ALPK1: variants seen among roughly 807,000 people sequenced by gnomAD.
The protein encoded by ALPK1 is alpha kinase 1.
In ALPK1, 110 loss-of-function variants were observed where a neutral mutation model predicts 120.6. The observed-to-expected ratio is 0.91, with a 90% CI of 0.78 to 1.07. The LOEUF (loss-of-function observed/expected upper bound fraction) is 1.07, where lower values mean the gene tolerates loss of function less well. Among genes scored for constraint, ALPK1 ranks in the 50% least tolerant of loss-of-function variants. The pLI is 0.00. For synonymous variants in ALPK1, 582 were observed against 560.3 expected (o/e 1.04, Z -0.55); for missense variants, 1,498 against 1,483.9 (o/e 1.01, Z -0.16).
intron 4 of ALPK1, among the ~76,000 whole-genome samples, chr4:112,400,430 C>G (rs1011926449): frequency 6.6e-6 from 1 of 152,150 alleles, no homozygotes; most frequent in Non-Finnish European, 1.5e-5. Context: ...TCAAGGTTAA[C>G]AGCTGAGACT....
intron 1 of ALPK1, among the ~76,000 whole-genome samples, chr4:112,311,713 C>T (rs1728408108): frequency 1.3e-5 from 2 of 152,220 alleles, no homozygotes; most frequent in Admixed American, 1.3e-4. Context: ...CGGCTATCAA[C>T]TGCGCCATGC....
intron 4 of ALPK1, among the ~76,000 whole-genome samples, chr4:112,394,412 A>G (rs1732561365): frequency 1.3e-5 from 2 of 152,262 alleles, no homozygotes; most frequent in African/African-American, 4.8e-5. Flanking sequence ...TCTTGTTTTG[A>G]AAAGAAGCCA....
Position 112,431,311 on chromosome 4 carries a change from G to T in ALPK1, c.1764G>T (p.Gly588=). Residue 588 remains glycine (G), a synonymous_variant, in exon 11 of 16, where the codon GGG becomes GGT. Transcript: ENST00000650871. ...QTSSAWSNLS[G]FSSSASWEEV... ...CCAGTGCTTGGAGCAACTTATCAGGGTTTAGTTCCTCTGCAAGCTGGGAGG... is the reference window on the plus strand; with the variant it reads ...CCAGTGCTTGGAGCAACTTATCAGGTTTTAGTTCCTCTGCAAGCTGGGAGG... 6.2e-7 allele frequency: 1 copy of T among 1,614,194 alleles called. No homozygotes were observed.
At chr4:112,426,414 G>A (rs768167762) in intron 7 of ALPK1, 53 bp from the exon 8 acceptor site, 1 of 1,384,232 alleles carries the variant, frequency 7.2e-7, no homozygotes, top group Admixed American at 1.8e-5. Flanking sequence ...CAAGAGCACA[G>A]ATACTAGCTG....
At chr4:112,419,662 T>C (rs1733902829) in intron 5 of ALPK1, among the ~76,000 whole-genome samples, 2 of 152,202 alleles carry the variant, frequency 1.3e-5, no homozygotes, top group Admixed American at 6.5e-5. Context: ...TTCCATCCTC[T>C]GATGAGAATG....
intron 2 of ALPK1, among the ~76,000 whole-genome samples, chr4:112,348,956 G>A (rs1379247266): frequency 6.6e-6 from 1 of 152,228 alleles, no homozygotes; most frequent in Non-Finnish European, 1.5e-5. Context: ...TTTCCTGTCA[G>A]CCACTTCAGG....
At chr4:112,298,340 T>A (rs1727633811) in intron 1 of ALPK1, among the ~76,000 whole-genome samples, 1 of 152,072 alleles carries the variant, frequency 6.6e-6, no homozygotes, top group Non-Finnish European at 1.5e-5. Flanking sequence ...AATATCCATT[T>A]AATTTGGGGT....
intron 4 of ALPK1, among the ~76,000 whole-genome samples, chr4:112,387,813 T>C (rs1456241001): frequency 1.3e-5 from 2 of 152,230 alleles, no homozygotes; most frequent in East Asian, 1.9e-4. Context: ...GGGCTACACA[T>C]GCAGGTTTGT....
intron 4 of ALPK1, among the ~76,000 whole-genome samples, chr4:112,409,816 T>G (rs1352026612): frequency 2.6e-5 from 4 of 152,068 alleles, no homozygotes; most frequent in Non-Finnish European, 5.9e-5. Context: ...TTCCGTCACA[T>G]GGAAGGAAAC....
Position 112,432,278 on chromosome 4 carries a change from G to C in ALPK1, c.2731G>C (p.Gly911Arg), listed in dbSNP as rs768737680. The change falls in exon 11 of 16, where the codon GGA becomes CGA. Residue 911 changes from glycine (G) to arginine (R), a missense_variant. Gly to Arg is a moderately radical substitution (Grantham distance 125, BLOSUM62 -2). Coordinates refer to ENST00000650871, the MANE Select transcript of ALPK1 (RefSeq NM_025144.4). ...LSEDCTTTEE[G>R]NQPGNMLNCS... ...CGAGGACTGCACTACCACAGAGGAA[G>C]GAAATCAGCCTGGAAACATGCTAAA... 1.9e-5 allele frequency: 31 copies of C among 1,614,082 alleles called. No homozygotes were observed. Among genetic ancestry groups the C allele is most frequent in the Non-Finnish European group, 2.3e-5 (27 of 1,180,034 alleles).
At chr4:112,310,845 T>C (rs867033150) in intron 1 of ALPK1, among the ~76,000 whole-genome samples, 1 of 152,124 alleles carries the variant, frequency 6.6e-6, no homozygotes, top group South Asian at 2.1e-4. Context: ...TTAAGTGCTA[T>C]GTATATCCTA....
At chr4:112,374,539 T>A (rs56891750) in intron 2 of ALPK1, among the ~76,000 whole-genome samples, 20,063 of 152,214 alleles carry the variant, frequency 0.13, 1,933 homozygotes, top group African/African-American at 0.27. Flanking sequence ...AGAATGGTGA[T>A]TCCTTTTCAG....
chr4:112,430,423 A>G (rs746535978), intron 10 of ALPK1, 25 bp from the exon 11 acceptor site: 1 of 1,537,490 alleles, frequency 6.5e-7, no homozygotes, highest in South Asian at 1.3e-5. Flanking sequence ...TCAATATCTG[A>G]TTTGGTATTT....
chr4:112,394,816 C>T (rs1732580507), intron 4 of ALPK1, among the ~76,000 whole-genome samples: 1 of 152,112 alleles, frequency 6.6e-6, no homozygotes, highest in African/African-American at 2.4e-5. Context: ...TTGACTAAGA[C>T]AAGTGGGCTG....
At chr4:112,359,348 G>A in intron 2 of ALPK1, 1 of 390,362 alleles carries the variant, frequency 2.6e-6, no homozygotes, top group South Asian at 2.7e-5. Flanking sequence ...CAGCCTACAA[G>A]CAGGATGATG....
At chr4:112,412,528 C>CT (rs1371507444) in intron 5 of ALPK1, 262 of 373,144 alleles carry the variant, frequency 7.0e-4, no homozygotes, top group South Asian at 1.3e-3. Flanking sequence ...CTTAAAGTAT[C>CT]TTTTTTTTTC....
Position 112,357,566 on chromosome 4 carries a change from C to T in ALPK1, c.-100-20112C>T. ...ATCATCCTCACCAGTGGCACACTGG[C>T]CCCCGGGTCCTCCTTTGCCCTGGAG... On this transcript the variant is annotated intron_variant, in intron 2 of 15. Transcript: ENST00000650871. The T allele has an allele frequency of 8.2e-6, 11 of 1,344,716 alleles. No homozygotes were observed. The South Asian group carries it at 1.2e-4, about 15-fold the overall frequency. 83.3% of individuals were successfully genotyped at this position (1,344,716 alleles called of 1,614,324 possible). A position where few individuals can be genotyped will look rare whatever the true frequency, so the allele number is the denominator to read the frequency against.
chr4:112,357,914 C>T, intron 2 of ALPK1: 1 of 1,043,344 alleles, frequency 9.6e-7, no homozygotes, highest in Non-Finnish European at 1.5e-6. Context: ...GGCAGCTTCT[C>T]TGAGACCATG....
intron 2 of ALPK1, among the ~76,000 whole-genome samples, chr4:112,326,299 TTAAAC>T (rs1439273245): frequency 1.3e-5 from 2 of 152,208 alleles, no homozygotes; most frequent in Non-Finnish European, 2.9e-5. Context: ...GATTTTATCT[TTAAAC>T]TAAGGACGCT....
Sources: allele counts gnomAD v4.1 joint callset (sites outside exome capture counted in the v4.1 genomes callset), GRCh38; gene constraint gnomAD v4.1.1; transcripts MANE v1.5; gene names NCBI Gene and HGNC (gene_info 2026-07-23, HGNC 2026-07-21).